The following S100A10 variants were observed in gnomAD, a reference collection of about 807,000 sequenced individuals.
The protein encoded by S100A10 is S100 calcium binding protein A10.
S100A10 carries 3 observed loss-of-function variants against 7.1 expected under a neutral mutation model. That is an observed-to-expected ratio of 0.42 (90% CI 0.19 to 1.10). The LOEUF (loss-of-function observed/expected upper bound fraction) is 1.10. S100A10 is among the 50% of genes least tolerant of loss of function. The pLI, the probability that S100A10 is intolerant of heterozygous loss-of-function variation, is 0.29. For missense variants in S100A10, 101 were observed against 118.1 expected, an observed-to-expected ratio of 0.86 and a Z score of 0.67; for synonymous variants, 41 against 39.3, an observed-to-expected ratio of 1.04 and a Z score of -0.16.
At chr1:151,986,451 T>G (rs1292546311) in intron 1 of S100A10, among the ~76,000 whole-genome samples, 200 bp from the exon 2 acceptor site, 3 of 152,274 alleles carry the variant, frequency 2.0e-5, no homozygotes, top group African/African-American at 7.2e-5. Context: ...TTAGCACTTC[T>G]GTGGTGAGAA....
chr1:151,984,695 A>C (rs758428652), intron 2 of S100A10, among the ~76,000 whole-genome samples: 2 of 152,242 alleles, frequency 1.3e-5, no homozygotes, highest in Non-Finnish European at 2.9e-5. Context: ...GTGTACTGAG[A>C]ATGCCTTTGT....
chr1:151,986,106 A>T lies in S100A10; in HGVS notation c.125T>A (p.Phe42Tyr). 1.3e-6 allele frequency: 2 copies of T among 1,591,314 alleles called. No individual in the cohort carries two copies. The highest frequency in any genetic ancestry group is 1.7e-6 in the Non-Finnish European group (2 of 1,173,158). Residue 42 changes from phenylalanine to tyrosine, a missense_variant, in exon 2 of 3, where the codon TTT becomes TAT. By Grantham distance (22) the Phe-to-Tyr change is conservative (BLOSUM62 3). Coordinates refer to ENST00000368811, the MANE Select transcript of S100A10 (RefSeq NM_002966.3). Reference protein sequence around the residue: ...RVLMEKEFPGFLENQKDPLAV... With the variant: ...RVLMEKEFPGYLENQKDPLAV... ...AAGCTTTTCAACACTTACTTCCAAA[A>T]ATCCAGGGAACTCCTTTTCCATGAG...
At chr1:151,991,143 T>C (rs1655896579) in intron 1 of S100A10, among the ~76,000 whole-genome samples, 1 of 152,120 alleles carries the variant, frequency 6.6e-6, no homozygotes, top group Non-Finnish European at 1.5e-5. Context: ...AAAACAAACA[T>C]CTGTTATTTA....
intron 1 of S100A10, among the ~76,000 whole-genome samples, chr1:151,988,891 T>TA (rs1437826215): frequency 3.9e-5 from 6 of 152,250 alleles, no homozygotes; most frequent in Admixed American, 3.9e-4. Context: ...CCCCAGTTCT[T>TA]AAATAACTCA....
intron 1 of S100A10, among the ~76,000 whole-genome samples, chr1:151,988,469 C>T (rs567669348): frequency 6.6e-6 from 1 of 152,086 alleles, no homozygotes; most frequent in East Asian, 1.9e-4. Context: ...TTCTCAAATG[C>T]TATCTTTTAC....
rs11383937 is a variant in S100A10, at chr1:151,987,538, CTTTTTTT to C, written c.-21-1294_-21-1288del. Among the ~76,000 whole-genome samples the C allele has an allele frequency of 8.6e-5, 10 of 116,314 alleles. No homozygotes were observed. The East Asian group carries it at 2.0e-3, about 24-fold the overall frequency. 76.3% of individuals were successfully genotyped at this position (116,314 alleles called of 152,430 possible). A position where few individuals can be genotyped will look rare whatever the true frequency, so the allele number is the denominator to read the frequency against. The stretch of plus-strand genomic sequence containing the variant: ...TTTATCTGCTGGGTATATATGTATT[CTTTTTTT>C]TTTTTTTTTTTTGAGACGGAGTCTT... On this transcript the variant is annotated intron_variant, in intron 1 of 2. Coordinates refer to ENST00000368811, the MANE Select transcript of S100A10 (RefSeq NM_002966.3).
chr1:151,989,733 G>A (rs3007706), intron 1 of S100A10, among the ~76,000 whole-genome samples: 1 of 152,206 alleles, frequency 6.6e-6, no homozygotes, highest in Non-Finnish European at 1.5e-5. Context: ...GGGCAGGGCT[G>A]TCTGCAGCAC....
At chr1:151,990,647 C>T (rs943452546) in intron 1 of S100A10, among the ~76,000 whole-genome samples, 8 of 152,112 alleles carry the variant, frequency 5.3e-5, no homozygotes, top group African/African-American at 1.9e-4. Context: ...TTTGAATGTC[C>T]CAGACATGGT....
intron 2 of S100A10, 70 bp downstream of exon 2, chr1:151,986,029 A>G (rs576179519): frequency 7.2e-7 from 1 of 1,387,044 alleles, no homozygotes. Flanking sequence ...GGAAACAAGA[A>G]GGAAAAGGAA....
Position 151,993,240 on chromosome 1 carries a change from G to A in S100A10, c.-22+512C>T, listed in dbSNP as rs1655944911. ...ACGCCTGTTTGGCCGACGGACTAAG[G>A]GTTACGGAAGGGACGCCCCAGCTGC... On this transcript the variant is annotated intron_variant, in intron 1 of 2. Coordinates refer to ENST00000368811, the MANE Select transcript of S100A10 (RefSeq NM_002966.3). This position sits in a 1 kb window ranked among gnomAD's most constrained non-coding sequence, Gnocchi z 5.1. 6.6e-6 allele frequency among the ~76,000 whole-genome samples: 1 copy of A among 152,176 alleles called. No homozygotes were observed. Among genetic ancestry groups the A allele is most frequent in the Non-Finnish European group, 1.5e-5 (1 of 68,024 alleles).
chr1:151,990,789 T>C (rs1455141595), intron 1 of S100A10, among the ~76,000 whole-genome samples: 1 of 152,170 alleles, frequency 6.6e-6, no homozygotes, highest in Non-Finnish European at 1.5e-5. Context: ...TTCTAGTTAT[T>C]TGTGTTTCTG....
At chr1:151,992,183 C>A (rs907249877) in intron 1 of S100A10, among the ~76,000 whole-genome samples, 1 of 152,176 alleles carries the variant, frequency 6.6e-6, no homozygotes, top group Non-Finnish European at 1.5e-5. Flanking sequence ...CCCACTCCAA[C>A]CCCTGGCATT....
intron 1 of S100A10, among the ~76,000 whole-genome samples, chr1:151,990,656 G>A (rs905951735): frequency 6.6e-6 from 1 of 152,170 alleles, no homozygotes; most frequent in Non-Finnish European, 1.5e-5. Flanking sequence ...CCCAGACATG[G>A]TGTTAGGCAT....
rs547781177 is a variant in S100A10 at position 151,987,807 on chromosome 1, C to T, written c.-21-1556G>A. Among the ~76,000 whole-genome samples the T allele has an allele frequency of 7.2e-5, 11 of 152,256 alleles. No homozygotes were observed. In the East Asian group the frequency reaches 1.9e-3, roughly 27 times the overall value. On this transcript the variant is annotated intron_variant, in intron 1 of 2. Coordinates refer to ENST00000368811, the MANE Select transcript of S100A10 (RefSeq NM_002966.3). ...CCTCCCAAAGTGCTGGGATTACAGG[C>T]GTGAGCCACTATGCCCGGCCTATAT...
chr1:151,985,568 T>C (rs529182941), intron 2 of S100A10, among the ~76,000 whole-genome samples: 1 of 152,310 alleles, frequency 6.6e-6, no homozygotes, highest in South Asian at 2.1e-4. Context: ...TTTGTAGTAT[T>C]AGAAAAAGAA....
In S100A10 at chr1:151,985,969, G is replaced by A. The variant is rs1684993488; in HGVS notation, c.132+130C>T. The A allele has an allele frequency of 4.6e-6, 3 of 649,344 alleles. No homozygotes were observed. The African/African-American group carries it at 5.7e-5, about 12-fold the overall frequency. 40.2% of individuals were successfully genotyped at this position (649,344 alleles called of 1,614,324 possible). ...ATGAGGTCATTCATTCATTCCTTCA[G>A]GTGACTACATTCATTTATTCACTAG... On this transcript the variant is annotated intron_variant, in intron 2 of 2. Transcript: ENST00000368811.
rs1391616339 is a variant in S100A10 at position 151,983,313 on chromosome 1, G to A, written c.144C>T (p.Asp48=). The change falls in exon 3 of 3, where the codon GAC becomes GAT. Residue 48 remains aspartate, a synonymous_variant. Transcript: ENST00000368811. ...TCATTATTTTGTCCACAGCCAGAGG[G>A]TCTTTTTGATTCTGAAAAAAAAAAG... is the stretch of plus-strand genomic sequence containing the variant. ...EFPGFLENQK[D]PLAVDKIMKD... is the part of the protein sequence containing the mutation. The A allele has an allele frequency of 6.5e-7, 1 of 1,542,938 alleles. No individual in the cohort carries two copies. Among genetic ancestry groups the A allele is most frequent in the Admixed American group, 2.3e-5 (1 of 43,286 alleles).
intron 1 of S100A10, among the ~76,000 whole-genome samples, chr1:151,986,773 T>C (rs1194896423): frequency 6.6e-6 from 1 of 152,224 alleles, no homozygotes; most frequent in Non-Finnish European, 1.5e-5. Context: ...TTTTAAGCCA[T>C]ATGTATTGCC....
intron 1 of S100A10, among the ~76,000 whole-genome samples, chr1:151,990,518 C>T (rs371450499): frequency 8.5e-5 from 13 of 152,188 alleles, no homozygotes; most frequent in South Asian, 2.1e-4. Context: ...AGAAGGGAGG[C>T]GGAGACATCT....
Sources: allele counts gnomAD v4.1 joint callset (sites outside exome capture counted in the v4.1 genomes callset), GRCh38; gene constraint gnomAD v4.1.1; non-coding constraint Gnocchi (gnomAD v3.1); transcripts MANE v1.5; gene names NCBI Gene and HGNC (gene_info 2026-07-23, HGNC 2026-07-21).